The following SMAD6 variants were observed in gnomAD, a reference collection of about 807,000 sequenced individuals.
SMAD6 encodes MAD homolog 6.
A neutral mutation model predicts 39.4 loss-of-function variants in SMAD6; 103 were observed. The ratio of observed to expected loss-of-function variants is 2.62; its 90% CI spans 2.23 to 3.08. SMAD6 has a LOEUF of 3.08. Among genes scored for constraint, SMAD6 ranks in the 30% most tolerant of loss-of-function variants. The pLI is 0.00. For synonymous variants in SMAD6, 445 were observed against 353.3 expected (o/e 1.26, Z -2.91); for missense variants, 1,104 against 742.9 (o/e 1.49, Z -5.65).
At position 66,781,444 on chromosome 15, in the gene SMAD6, G is replaced by T; in HGVS notation, c.1400G>T (p.Ser467Ile). The change falls in exon 4 of 4, where the codon AGC (serine) becomes ATC (isoleucine). Residue 467 changes from serine to isoleucine, a missense_variant. By Grantham distance (142) the Ser-to-Ile change is moderately radical (BLOSUM62 -2). Transcript: ENST00000288840. ...GPYDPNSVRI[S>I]FAKGWGPCYS... ...TACGACCCCAACAGCGTCCGCATCAGCTTCGCCAAGGGCTGGGGGCCCTGC... is the reference window on the plus strand; with the variant it reads ...TACGACCCCAACAGCGTCCGCATCATCTTCGCCAAGGGCTGGGGGCCCTGC... 6.2e-7 allele frequency: 1 copy of T among 1,605,362 alleles called. No individual in the cohort carries two copies. The highest frequency in any genetic ancestry group is 8.5e-7 in the Non-Finnish European group (1 of 1,178,286).
chr15:66,729,743 G>C (rs1421382640), intron 3 of SMAD6, among the ~76,000 whole-genome samples: 1 of 152,296 alleles, frequency 6.6e-6, no homozygotes, highest in East Asian at 1.9e-4. Context: ...TTATAGGCTT[G>C]ATTCACGACC....
chr15:66,757,826 A>C (rs574499199), intron 3 of SMAD6, among the ~76,000 whole-genome samples: 3 of 152,308 alleles, frequency 2.0e-5, no homozygotes, highest in Admixed American at 1.3e-4. Context: ...ACAGAGTGGC[A>C]TGGAATGCGC....
intron 3 of SMAD6, among the ~76,000 whole-genome samples, chr15:66,731,943 C>CTTTTTT (rs71455528): frequency 7.5e-6 from 1 of 133,250 alleles, no homozygotes; most frequent in Non-Finnish European, 1.6e-5. Flanking sequence ...CTCATTGTGA[C>CTTTTTT]TTTTTTTTTT....
rs1439984006 is a variant in SMAD6, at chr15:66,782,636, G to A, written c.*1101G>A. 6.6e-6 allele frequency: 1 copy of A among 152,198 alleles called. No homozygotes were observed. Among genetic ancestry groups the A allele is most frequent in the Admixed American group, 6.5e-5 (1 of 15,282 alleles). The allele number at this position is 152,198 out of a possible 1,614,324, so 9.4% of individuals were successfully genotyped here. A position where few individuals can be genotyped will look rare whatever the true frequency, so the allele number is the denominator to read the frequency against. ...GATTTGCTCATGAGACAAAATCAAGGTTAGAAGTTACATGGAATTGTAGGA... is the reference window on the plus strand; with the variant it reads ...GATTTGCTCATGAGACAAAATCAAGATTAGAAGTTACATGGAATTGTAGGA... On this transcript the variant is annotated 3_prime_UTR_variant, in exon 4 of 4. Coordinates refer to ENST00000288840, the MANE Select transcript of SMAD6 (RefSeq NM_005585.5).
rs1440622125 is a variant in SMAD6, at chr15:66,702,517, A to G, written c.-742A>G. 1 of 152,444 alleles carries G rather than the reference A, an allele frequency of 6.6e-6. No individual in the cohort carries two copies. Among genetic ancestry groups the G allele is most frequent in the Non-Finnish European group, 1.5e-5 (1 of 68,012 alleles). 9.4% of individuals were successfully genotyped at this position (152,444 alleles called of 1,614,324 possible). ...CGGGCTGCGACCTCTGCATCGGTGG[A>G]CTGCATTTTTAATTAAGGATTCCCA... is the stretch of plus-strand genomic sequence containing the variant. On this transcript the variant is annotated 5_prime_UTR_variant, in exon 1 of 4. Transcript: ENST00000288840.
intron 3 of SMAD6, among the ~76,000 whole-genome samples, chr15:66,758,051 A>AGTTGTT (rs1279318886): frequency 6.6e-6 from 1 of 152,208 alleles, no homozygotes; most frequent in African/African-American, 2.4e-5. Flanking sequence ...ATGGATAGAA[A>AGTTGTT]GTTGTTGTCA....
At chr15:66,746,978 TAAG>T (rs1471388395) in intron 3 of SMAD6, among the ~76,000 whole-genome samples, 1 of 152,220 alleles carries the variant, frequency 6.6e-6, no homozygotes, top group Non-Finnish European at 1.5e-5. Flanking sequence ...GAAGTATTAA[TAAG>T]GGAAGAGTAT....
At chr15:66,717,254 T>A in intron 3 of SMAD6, 1 of 642,296 alleles carries the variant, frequency 1.6e-6, no homozygotes, top group Non-Finnish European at 2.5e-6. Context: ...TGACAGCCCC[T>A]CAGGCTGGGG....
Position 66,779,390 on chromosome 15 carries a change from A to AC in SMAD6, c.953-1601dup, listed in dbSNP as rs201300013. Reference sequence around the variant, plus strand: ...GCGGGCTGGTGTGAGGACTTGGATTACCCCCCAGCAGACTTGGGGACCTGT... The same window carrying AC: ...GCGGGCTGGTGTGAGGACTTGGATTACCCCCCCAGCAGACTTGGGGACCTGT... On this transcript the variant is annotated intron_variant, in intron 3 of 3. Transcript: ENST00000288840. Among the ~76,000 whole-genome samples the AC allele has an allele frequency of 5.5e-3, 838 of 151,876 alleles. 3 individuals carry two copies. Among genetic ancestry groups the AC allele is most frequent in the Non-Finnish European group, 9.5e-3 (647 of 67,904 alleles).
intron 3 of SMAD6, among the ~76,000 whole-genome samples, chr15:66,735,068 C>G (rs908056683): frequency 2.0e-5 from 3 of 152,214 alleles, no homozygotes; most frequent in African/African-American, 7.2e-5. Flanking sequence ...CTTTTCATGC[C>G]ATCCCCTGCT....
Position 66,702,325 on chromosome 15 carries a change from G to C in SMAD6, c.-934G>C, listed in dbSNP as rs1359005390. The C allele has an allele frequency of 1.3e-5, 2 of 152,224 alleles. No homozygotes were observed. The highest frequency in any genetic ancestry group is 3.9e-4 in the East Asian group (2 of 5,180). 9.4% of individuals were successfully genotyped at this position (152,224 alleles called of 1,614,324 possible). ...GAGAACAAAAAAGAGAGAGAGAGCC[G>C]AGCGGGGGAGCGATCGAGGGAGCTG... On this transcript the variant is annotated 5_prime_UTR_variant, in exon 1 of 4. Transcript: ENST00000288840.
intron 3 of SMAD6, among the ~76,000 whole-genome samples, chr15:66,768,145 A>AT (rs1288708561): frequency 2.0e-5 from 3 of 151,290 alleles, no homozygotes; most frequent in African/African-American, 4.9e-5. Context: ...ATAATTTTTT[A>AT]TTTTTTTGTA....
intron 3 of SMAD6, among the ~76,000 whole-genome samples, chr15:66,753,572 G>A (rs942159660): frequency 1.3e-5 from 2 of 152,146 alleles, no homozygotes; most frequent in African/African-American, 2.4e-5. Flanking sequence ...ACTCAAAGTC[G>A]TACGTACCAT....
rs563924074 is a variant in SMAD6, at chr15:66,739,248, G to A, written c.952+22750G>A. ...TAGGATTACAGGCACCTGCCATCACGCCTGGCTAATTTTTGTATTTTTAGT... is the reference window on the plus strand; with the variant it reads ...TAGGATTACAGGCACCTGCCATCACACCTGGCTAATTTTTGTATTTTTAGT... On this transcript the variant is annotated intron_variant, in intron 3 of 3. Coordinates refer to ENST00000288840, the MANE Select transcript of SMAD6 (RefSeq NM_005585.5). Among the ~76,000 whole-genome samples, 7 of 152,154 alleles carry A rather than the reference G, an allele frequency of 4.6e-5. No homozygotes were observed. The South Asian group carries it at 1.0e-3, about 23-fold the overall frequency.
chr15:66,757,277 C>T (rs773384427), intron 3 of SMAD6, among the ~76,000 whole-genome samples: 6 of 152,176 alleles, frequency 3.9e-5, no homozygotes, highest in Admixed American at 2.0e-4. Context: ...GCAGCCCCGA[C>T]GTCTCCCTCT....
chr15:66,773,398 A>G (rs571661022), intron 3 of SMAD6, among the ~76,000 whole-genome samples: 2 of 152,148 alleles, frequency 1.3e-5, no homozygotes, highest in Non-Finnish European at 2.9e-5. Context: ...CCCTCCCTTC[A>G]CAAAGAAAAG....
At chr15:66,770,280 G>C (rs1233064494) in intron 3 of SMAD6, among the ~76,000 whole-genome samples, 1 of 152,202 alleles carries the variant, frequency 6.6e-6, no homozygotes, top group East Asian at 1.9e-4. Flanking sequence ...GTTGGGTTCA[G>C]TTGGTGAACT....
At chr15:66,730,872 G>T (rs1231657404) in intron 3 of SMAD6, among the ~76,000 whole-genome samples, 1 of 152,178 alleles carries the variant, frequency 6.6e-6, no homozygotes, top group African/African-American at 2.4e-5. Flanking sequence ...TTGAACCCAG[G>T]CCTGCCTGCC....
intron 3 of SMAD6, among the ~76,000 whole-genome samples, chr15:66,733,212 T>C (rs1214175385): frequency 6.6e-6 from 1 of 152,216 alleles, no homozygotes; most frequent in African/African-American, 2.4e-5. Context: ...TAGCTTATTA[T>C]AGTAAGTTTT....
Sources: allele counts gnomAD v4.1 joint callset (sites outside exome capture counted in the v4.1 genomes callset), GRCh38; gene constraint gnomAD v4.1.1; transcripts MANE v1.5; gene names NCBI Gene and HGNC (gene_info 2026-07-23, HGNC 2026-07-21).